Variants in ZNF280D observed in about 807,000 individuals in gnomAD.
ZNF280D encodes the protein suppressor of hairy wing homolog 4.
In ZNF280D, 39 loss-of-function variants were observed where a neutral mutation model predicts 94.7. That is an observed-to-expected ratio of 0.41 (90% CI 0.32 to 0.54). ZNF280D has a LOEUF of 0.54. Ranked by LOEUF, ZNF280D falls within the 20% of genes least tolerant of loss-of-function variation. ZNF280D has a pLI of 0.22. For synonymous variants in ZNF280D, 398 were observed against 377.6 expected (o/e 1.05, Z -0.63); for missense variants, 1,090 against 1,149.3 (o/e 0.95, Z 0.75).
chr15:56,689,533 TA>T, intron 7 of ZNF280D, 63 bp from the exon 8 acceptor site: 1 of 1,038,800 alleles, frequency 9.6e-7, no homozygotes, highest in Non-Finnish European at 1.3e-6. Context: ...TACATCTGAG[TA>T]AAAATATTTT....
intron 1 of ZNF280D, among the ~76,000 whole-genome samples, chr15:56,726,050 T>A (rs1351085967): frequency 6.6e-6 from 1 of 151,750 alleles, no homozygotes; most frequent in Non-Finnish European, 1.5e-5. Flanking sequence ...GGGTTCCAAT[T>A]AATAATTTTT....
chr15:56,688,626 G>A (rs1349610464), intron 9 of ZNF280D, among the ~76,000 whole-genome samples: 1 of 150,918 alleles, frequency 6.6e-6, no homozygotes, highest in Non-Finnish European at 1.5e-5. Flanking sequence ...AAACTAAAAT[G>A]TAAAACTCAG....
intron 4 of ZNF280D, among the ~76,000 whole-genome samples, chr15:56,701,553 C>T (rs2141193312): frequency 6.6e-6 from 1 of 152,154 alleles, no homozygotes; most frequent in African/African-American, 2.4e-5. Context: ...AGAAACATCA[C>T]ATACTTGATA....
chr15:56,678,868 A>G (rs769303667), intron 10 of ZNF280D, 47 bp from the exon 11 acceptor site: 22 of 1,438,040 alleles, frequency 1.5e-5, no homozygotes, highest in Non-Finnish European at 2.0e-5. Context: ...TTAAAAACAA[A>G]AAGGAAATCT....
At chr15:56,668,002 TG>T in intron 14 of ZNF280D, 1 of 348,314 alleles carries the variant, frequency 2.9e-6, no homozygotes, top group South Asian at 2.2e-5. Context: ...CTTACATTAG[TG>T]TTCTGCATGT....
Position 56,663,144 on chromosome 15 carries a change from A to C in ZNF280D, c.1994+3251T>G, listed in dbSNP as rs185435160. ...TACAAAAAAAAAAAATTATCTGAGC[A>C]TGGTAGTGCATGCCTGTAAGTCCCA... is the stretch of plus-strand genomic sequence containing the variant. On this transcript the variant is annotated intron_variant, in intron 16 of 21. Transcript: ENST00000267807. Among the ~76,000 whole-genome samples the C allele has an allele frequency of 2.2e-4, 34 of 151,582 alleles. No homozygotes were observed. In the East Asian group the frequency reaches 6.6e-3, roughly 30 times the overall value.
At chr15:56,666,578 C>G (rs2054302872) in intron 15 of ZNF280D, 43 bp from the exon 16 acceptor site, 1 of 1,533,656 alleles carries the variant, frequency 6.5e-7, no homozygotes, top group African/African-American at 1.4e-5. Context: ...TATTTTAAAA[C>G]AAAAATAATA....
In ZNF280D at chr15:56,693,151, G is replaced by A. The variant is rs1318384292; in HGVS notation, c.446C>T (p.Thr149Ile). 29 of 1,605,426 alleles carry A rather than the reference G, an allele frequency of 1.8e-5. No individual in the cohort carries two copies. Among genetic ancestry groups the A allele is most frequent in the Non-Finnish European group, 2.4e-5 (28 of 1,176,236 alleles). The change falls in exon 7 of 22, where the codon ACC becomes ATC. Residue 149 changes from threonine (T) to isoleucine (I), a missense_variant. By Grantham distance (89) the Thr-to-Ile change is moderately conservative. Coordinates refer to ENST00000267807, the MANE Select transcript of ZNF280D (RefSeq NM_017661.4). Reference protein sequence around the residue: ...NKSSELLFDLTQDTGLSHYQG... With the variant: ...NKSSELLFDLIQDTGLSHYQG... ...GTAATGTGATAATCCTGTATCCTGGGTCAAGTCAAACAGTAACTCTGATGA... is the reference window on the plus strand; with the variant it reads ...GTAATGTGATAATCCTGTATCCTGGATCAAGTCAAACAGTAACTCTGATGA...
chr15:56,688,880 G>A (rs890810646), intron 9 of ZNF280D, 161 bp downstream of exon 9: 1 of 439,638 alleles, frequency 2.3e-6, no homozygotes, highest in Non-Finnish European at 4.0e-6. Flanking sequence ...GATTTAGAAG[G>A]AATTTGAGAA....
At chr15:56,672,689 C>T (rs2054953291) in intron 13 of ZNF280D, among the ~76,000 whole-genome samples, 3 of 151,632 alleles carry the variant, frequency 2.0e-5, no homozygotes, top group African/African-American at 4.8e-5. Context: ...GTTTTTGGCA[C>T]AACCAATTAT....
chr15:56,678,860 A>G, intron 10 of ZNF280D, 39 bp from the exon 11 acceptor site: 1 of 1,449,964 alleles, frequency 6.9e-7, no homozygotes, highest in Non-Finnish European at 9.1e-7. Context: ...CTTGAGATTT[A>G]AAAACAAAAA....
At chr15:56,642,166 A>G (rs2052661631) in intron 20 of ZNF280D, among the ~76,000 whole-genome samples, 1 of 151,738 alleles carries the variant, frequency 6.6e-6, no homozygotes, top group African/African-American at 2.4e-5. Context: ...TCAAGAAGAA[A>G]TAGATTAAAA....
chr15:56,659,492 T>C (rs1398080563), intron 16 of ZNF280D, among the ~76,000 whole-genome samples: 1 of 152,116 alleles, frequency 6.6e-6, no homozygotes, highest in African/African-American at 2.4e-5. Flanking sequence ...TATTACAGTA[T>C]ATTGTTATTA....
At chr15:56,720,762 T>G (rs2058312844) in intron 1 of ZNF280D, among the ~76,000 whole-genome samples, 1 of 152,156 alleles carries the variant, frequency 6.6e-6, no homozygotes, top group African/African-American at 2.4e-5. Context: ...ATCAGAGCTC[T>G]TGGGTGACTA....
intron 20 of ZNF280D, among the ~76,000 whole-genome samples, chr15:56,642,049 A>G (rs2052655107): frequency 6.6e-6 from 1 of 151,718 alleles, no homozygotes; most frequent in African/African-American, 2.4e-5. Context: ...TACAAAGACA[A>G]TAAGGGATAC....
chr15:56,720,073 G>A (rs1406411159), intron 1 of ZNF280D, among the ~76,000 whole-genome samples: 2 of 151,992 alleles, frequency 1.3e-5, no homozygotes, highest in Non-Finnish European at 2.9e-5. Flanking sequence ...CACATCCATC[G>A]ACTTTTCCTT....
rs1201014690 is a variant in ZNF280D, at chr15:56,707,273, C to T, written c.-52G>A. 3 of 1,538,386 alleles carry T rather than the reference C, an allele frequency of 2.0e-6. No homozygotes were observed. The highest frequency in any genetic ancestry group is 1.4e-5 in the African/African-American group (1 of 73,010). On this transcript the variant is annotated 5_prime_UTR_variant, in exon 2 of 22. Transcript: ENST00000267807. ...AACCTCTAAACTCACCATGTGACTC[C>T]AGACAAGCCAGCAAGTTATTTCTGT...
intron 1 of ZNF280D, among the ~76,000 whole-genome samples, chr15:56,724,393 G>A (rs1486627722): frequency 6.6e-6 from 1 of 152,208 alleles, no homozygotes; most frequent in Non-Finnish European, 1.5e-5. Flanking sequence ...CAGGTGCAGT[G>A]AGGTGCAGAA....
At chr15:56,653,540 G>C (rs920621793) in intron 19 of ZNF280D, 2 of 1,520,624 alleles carry the variant, frequency 1.3e-6, no homozygotes, top group Admixed American at 2.0e-5. Context: ...GTCCATCGAA[G>C]GGGGACACTG....
Sources: allele counts gnomAD v4.1 joint callset (sites outside exome capture counted in the v4.1 genomes callset), GRCh38; gene constraint gnomAD v4.1.1; transcripts MANE v1.5; gene names NCBI Gene and HGNC (gene_info 2026-07-23, HGNC 2026-07-21).